Variants in CELF4 observed in about 807,000 individuals in gnomAD.
The protein encoded by CELF4 is CUGBP Elav-like family member 4.
Under a neutral mutation model 59.9 loss-of-function variants are expected in CELF4, and 18 were observed. That is an observed-to-expected ratio of 0.30 (90% CI 0.21 to 0.45). The LOEUF is 0.45. Ranked by LOEUF, CELF4 falls within the 20% of genes least tolerant of loss-of-function variation. The pLI, the probability that CELF4 is intolerant of heterozygous loss-of-function variation, is 1.00. For synonymous variants in CELF4, 261 were observed against 267.1 expected (o/e 0.98, Z 0.22); for missense variants, 456 against 689.0 (o/e 0.66, Z 3.79).
chr18:37,386,359 T>A, intron 2 of CELF4, among the ~76,000 whole-genome samples: 1 of 151,526 alleles, frequency 6.6e-6, no homozygotes, highest in East Asian at 1.9e-4. Flanking sequence ...AAGGTGAGAG[T>A]GGTGGCTTAC....
chr18:37,316,373 G>A (rs1228454662), intron 3 of CELF4, among the ~76,000 whole-genome samples: 1 of 152,246 alleles, frequency 6.6e-6, no homozygotes, highest in South Asian at 2.1e-4. Flanking sequence ...GGGATAACTG[G>A]ATCCCCCATG....
intron 2 of CELF4, among the ~76,000 whole-genome samples, chr18:37,360,637 AGG>A (rs2098688727): frequency 6.6e-6 from 1 of 152,216 alleles, no homozygotes; most frequent in African/African-American, 2.4e-5. Context: ...GTCTGGAGGC[AGG>A]CAGTCTCGTT....
intron 1 of CELF4, among the ~76,000 whole-genome samples, chr18:37,559,577 A>G (rs1271031560): frequency 6.6e-6 from 1 of 151,790 alleles, no homozygotes; most frequent in Non-Finnish European, 1.5e-5. Flanking sequence ...TGCCCTCTAG[A>G]GCCTACTTAT....
chr18:37,412,499 T>C (rs978527535), intron 2 of CELF4, among the ~76,000 whole-genome samples: 6 of 151,816 alleles, frequency 4.0e-5, no homozygotes, highest in Non-Finnish European at 8.8e-5. Context: ...GGTGGATAGA[T>C]GGATGGATGG....
chr18:37,444,652 A>ACACACG (rs71168259), intron 2 of CELF4, among the ~76,000 whole-genome samples: 6 of 144,180 alleles, frequency 4.2e-5, no homozygotes, highest in South Asian at 2.3e-4. Flanking sequence ...ACACACACAC[A>ACACACG]CGCGAACGAT....
chr18:37,531,536 C>A (rs2099969610), intron 1 of CELF4, among the ~76,000 whole-genome samples: 1 of 152,096 alleles, frequency 6.6e-6, no homozygotes, highest in Non-Finnish European at 1.5e-5. Context: ...CTCTGATTAG[C>A]CTTTGATTAA....
At chr18:37,467,701 G>C (rs1226131390) in intron 2 of CELF4, among the ~76,000 whole-genome samples, 1 of 152,198 alleles carries the variant, frequency 6.6e-6, no homozygotes, top group East Asian at 1.9e-4. Flanking sequence ...TCAGACAGAT[G>C]CTGTGATTAG....
At chr18:37,338,646 A>G (rs2097865455) in intron 2 of CELF4, among the ~76,000 whole-genome samples, 1 of 152,122 alleles carries the variant, frequency 6.6e-6, no homozygotes, top group Non-Finnish European at 1.5e-5. Context: ...ACGTGATGTC[A>G]TGGGAACAGC....
intron 1 of CELF4, among the ~76,000 whole-genome samples, chr18:37,547,007 T>C (rs576666409): frequency 4.6e-5 from 7 of 152,220 alleles, no homozygotes; most frequent in African/African-American, 1.7e-4. Context: ...AACTTCCAAA[T>C]GGTCAGCTTA....
intron 2 of CELF4, among the ~76,000 whole-genome samples, chr18:37,419,923 A>G (rs1464041125): frequency 6.6e-6 from 1 of 152,214 alleles, no homozygotes; most frequent in Non-Finnish European, 1.5e-5. Context: ...GGTCGGCGGG[A>G]AGGGTGTCCT....
At chr18:37,433,804 C>T (rs150785292) in intron 2 of CELF4, among the ~76,000 whole-genome samples, 4 of 152,172 alleles carry the variant, frequency 2.6e-5, no homozygotes, top group East Asian at 1.9e-4. Flanking sequence ...TGAAAGGAGA[C>T]GCAGGGAGGT....
intron 2 of CELF4, among the ~76,000 whole-genome samples, chr18:37,359,412 G>A (rs2154558994): frequency 6.6e-6 from 1 of 152,240 alleles, no homozygotes; most frequent in African/African-American, 2.4e-5. Flanking sequence ...CGGGATTATA[G>A]CTCACTGTAG....
At chr18:37,354,419 T>G (rs1327250134) in intron 2 of CELF4, among the ~76,000 whole-genome samples, 1 of 152,170 alleles carries the variant, frequency 6.6e-6, no homozygotes, top group African/African-American at 2.4e-5. Context: ...TGGGCTTTTC[T>G]GTCCCAATCT....
chr18:37,286,995 C>T (rs1290239410), intron 3 of CELF4, among the ~76,000 whole-genome samples: 1 of 152,290 alleles, frequency 6.6e-6, no homozygotes, highest in African/African-American at 2.4e-5. Flanking sequence ...CCAGCGGCTG[C>T]CCCTGCGCCC....
chr18:37,538,942 C>T (rs2099975660), intron 1 of CELF4, among the ~76,000 whole-genome samples: 1 of 152,298 alleles, frequency 6.6e-6, no homozygotes, highest in East Asian at 1.9e-4. Flanking sequence ...CCCCTCTCTG[C>T]GGAGTCTCCT....
Position 37,453,280 on chromosome 18 carries a change from GATGA to G in CELF4, c.369+32241_369+32244del, listed in dbSNP as rs543720070. Among the ~76,000 whole-genome samples, 435 of 152,366 alleles carry G rather than the reference GATGA, an allele frequency of 2.9e-3. 1 individual carries two copies. Among genetic ancestry groups the G allele is most frequent in the Non-Finnish European group, 4.5e-3 (304 of 68,036 alleles). The stretch of plus-strand genomic sequence containing the variant: ...GTGTGTTCTTGCCATTTGCTGAATG[GATGA>G]ATGAATATGATAAGGCAGTTCAGGA... On this transcript the variant is annotated intron_variant, in intron 2 of 12. Transcript: ENST00000420428.
At chr18:37,332,515 C>T (rs13381240) in intron 2 of CELF4, among the ~76,000 whole-genome samples, 2,907 of 152,230 alleles carry the variant, frequency 0.019, 106 homozygotes, top group African/African-American at 0.067. Context: ...TCTCTCCCAT[C>T]CCTCTCCGAG....
At chr18:37,445,358 G>C (rs1168056927) in intron 2 of CELF4, among the ~76,000 whole-genome samples, 1 of 151,974 alleles carries the variant, frequency 6.6e-6, no homozygotes, top group Non-Finnish European at 1.5e-5. Context: ...AGGGTTTCTC[G>C]GTGTTTCGGT....
At chr18:37,471,258 T>C (rs2099827439) in intron 2 of CELF4, among the ~76,000 whole-genome samples, 1 of 152,098 alleles carries the variant, frequency 6.6e-6, no homozygotes, top group Admixed American at 6.5e-5. Context: ...GTTCCTGATG[T>C]CACTTCCTCA....
Sources: allele counts gnomAD v4.1 joint callset (sites outside exome capture counted in the v4.1 genomes callset), GRCh38; gene constraint gnomAD v4.1.1; transcripts MANE v1.5; gene names NCBI Gene and HGNC (gene_info 2026-07-23, HGNC 2026-07-21).